Variants in COL4A2 observed in about 807,000 individuals in gnomAD.
COL4A2 encodes collagen alpha-2(IV) chain.
Under a neutral mutation model 200.2 loss-of-function variants are expected in COL4A2, and 99 were observed. That is an observed-to-expected ratio of 0.49 (90% CI 0.42 to 0.58). COL4A2 has a LOEUF of 0.58. Ranked by LOEUF, COL4A2 falls within the 20% of genes least tolerant of loss-of-function variation. The pLI, the probability that COL4A2 is intolerant of heterozygous loss-of-function variation, is 0.00. For synonymous variants in COL4A2, 897 were observed against 900.6 expected (o/e 1.00, Z 0.07); for missense variants, 1,950 against 2,314.1 (o/e 0.84, Z 3.23).
intron 3 of COL4A2, among the ~76,000 whole-genome samples, chr13:110,312,485 A>T (rs1232415332): frequency 6.6e-6 from 1 of 152,242 alleles, no homozygotes; most frequent in Non-Finnish European, 1.5e-5. Flanking sequence ...TAGTTTAAAT[A>T]ATAGAGAAAC....
chr13:110,462,404 G>T lies in COL4A2; in HGVS notation c.1776+20G>T. 6.2e-7 allele frequency: 1 copy of T among 1,609,780 alleles called. No homozygotes were observed. The highest frequency in any genetic ancestry group is 8.5e-7 in the Non-Finnish European group (1 of 1,178,966). On this transcript the variant is annotated intron_variant, in intron 24 of 47. Transcript: ENST00000360467. Reference sequence around the variant, plus strand: ...CCTCCCGTGAGTAGCCACAAACTGCGGCAGCTCCGTCCTCTCTTCTTCATC... The same window carrying T: ...CCTCCCGTGAGTAGCCACAAACTGCTGCAGCTCCGTCCTCTCTTCTTCATC...
chr13:110,307,892 C>A lies in COL4A2; in HGVS notation c.-12C>A. 1 of 1,611,194 alleles carries A rather than the reference C, an allele frequency of 6.2e-7. No individual in the cohort carries two copies. On this transcript the variant is annotated 5_prime_UTR_variant, in exon 2 of 48. Transcript: ENST00000360467. This position sits in a 1 kb window ranked among gnomAD's most constrained non-coding sequence, Gnocchi z 5.0. ...GGGACTGACCGGGGCCCAGAGTGGA[C>A]GAACCGCCAGCATGGGGAGAGACCA...
intron 27 of COL4A2, chr13:110,468,289 A>G (rs990955653): frequency 9.1e-5 from 43 of 471,544 alleles, no homozygotes; most frequent in Admixed American, 8.7e-4. Context: ...CTGAGCTTGT[A>G]TCTTCCGCGT....
intron 20 of COL4A2, among the ~76,000 whole-genome samples, chr13:110,453,255 C>T (rs1404702168): frequency 6.6e-6 from 1 of 152,092 alleles, no homozygotes; most frequent in African/African-American, 2.4e-5. Context: ...AATCCCAGCG[C>T]TTTGGGAAAG....
chr13:110,473,136 C>T lies in COL4A2; in HGVS notation c.2411C>T (p.Pro804Leu). 1 of 1,556,960 alleles carries T rather than the reference C, an allele frequency of 6.4e-7. No homozygotes were observed. The highest frequency in any genetic ancestry group is 1.4e-5 in the African/African-American group (1 of 73,420). ...AAAGGCCTTCCCGGAGACAGAGGCC[C>T]CCCTGGATTCAGAGGTGAGTGCCCC... Reference protein sequence around the residue: ...GLKGLPGDRGPPGFRGSQGMP... With the variant: ...GLKGLPGDRGLPGFRGSQGMP... Residue 804 changes from proline to leucine, a missense_variant, in exon 29 of 48, where the codon CCC (proline) becomes CTC (leucine). Transcript: ENST00000360467.
intron 4 of COL4A2, among the ~76,000 whole-genome samples, chr13:110,358,145 T>G (rs886401591): frequency 3.3e-5 from 5 of 152,254 alleles, no homozygotes; most frequent in African/African-American, 1.2e-4. Context: ...ATTGTACAGC[T>G]GTACAAACAT....
At chr13:110,465,865 C>T in intron 25 of COL4A2, 138 bp from the exon 26 acceptor site, 1 of 1,075,076 alleles carries the variant, frequency 9.3e-7, no homozygotes, top group Non-Finnish European at 1.4e-6. Context: ...CTTTCCCGTT[C>T]CCTGCCCATT....
Position 110,434,439 on chromosome 13 carries a change from A to C in COL4A2, c.723A>C (p.Glu241Asp). ...RGLGFYGVKG[E>D]KGDVGQPGPN... ...TTGGTTTCTACGGAGTTAAGGGTGAAAAGGTAAAGGAAGCCTGGTCAATTC... is the reference window on the plus strand; with the variant it reads ...TTGGTTTCTACGGAGTTAAGGGTGACAAGGTAAAGGAAGCCTGGTCAATTC... Residue 241 changes from glutamate (E) to aspartate (D), a missense_variant, in exon 12 of 48, where the codon GAA becomes GAC. By Grantham distance (45) the Glu-to-Asp change is conservative. Transcript: ENST00000360467. The C allele has an allele frequency of 6.2e-7, 1 of 1,613,924 alleles. No individual in the cohort carries two copies. The highest frequency in any genetic ancestry group is 8.5e-7 in the Non-Finnish European group (1 of 1,179,860).
intron 3 of COL4A2, among the ~76,000 whole-genome samples, chr13:110,317,535 A>G (rs1002946689): frequency 6.6e-6 from 1 of 151,584 alleles, no homozygotes; most frequent in Non-Finnish European, 1.5e-5. Flanking sequence ...GAGGCTGGAC[A>G]GAGGCGGGAG....
At chr13:110,379,632 G>A (rs1057353806) in intron 4 of COL4A2, among the ~76,000 whole-genome samples, 4 of 152,210 alleles carry the variant, frequency 2.6e-5, no homozygotes, top group Non-Finnish European at 5.9e-5. Context: ...ACAGACCATG[G>A]AGCTGGGGTG....
intron 43 of COL4A2, 79 bp from the exon 44 acceptor site, chr13:110,503,768 T>G: frequency 4.3e-4 from 668 of 1,544,590 alleles, no homozygotes; most frequent in Non-Finnish European, 5.5e-4. Flanking sequence ...GCCTCCCTGG[T>G]GAGAAACGCA....
chr13:110,425,111 ACACGT>A, intron 6 of COL4A2, 114 bp downstream of exon 6: 5 of 1,224,224 alleles, frequency 4.1e-6, no homozygotes, highest in Non-Finnish European at 5.9e-6. Context: ...ATGACATAAA[ACACGT>A]GGGGACTATA....
At chr13:110,459,066 A>G in intron 22 of COL4A2, 132 bp downstream of exon 22, 1 of 913,124 alleles carries the variant, frequency 1.1e-6, no homozygotes, top group Non-Finnish European at 1.6e-6. Context: ...GCATGGCTAA[A>G]CCATTCTAAA....
chr13:110,356,968 G>A (rs563420610), intron 3 of COL4A2, among the ~76,000 whole-genome samples: 1 of 152,254 alleles, frequency 6.6e-6, no homozygotes, highest in East Asian at 1.9e-4. Flanking sequence ...GTTTCACCAT[G>A]TTGGCCAGGA....
chr13:110,476,221 C>T (rs867848673), intron 29 of COL4A2, among the ~76,000 whole-genome samples: 2 of 151,932 alleles, frequency 1.3e-5, no homozygotes, highest in African/African-American at 2.4e-5. Context: ...GACCTGCCAT[C>T]GCTGCGAATC....
Position 110,507,956 on chromosome 13 carries a change from C to T in COL4A2, c.4616C>T (p.Ala1539Val), listed in dbSNP as rs765114159. 4.0e-5 allele frequency: 65 copies of T among 1,613,914 alleles called. No homozygotes were observed. Among genetic ancestry groups the T allele is most frequent in the South Asian group, 3.2e-4 (29 of 91,086 alleles). The change falls in exon 47 of 48, where the codon GCG becomes GTG. Residue 1539 changes from alanine to valine, a missense_variant. Ala to Val is a moderately conservative substitution (Grantham distance 64). Transcript: ENST00000360467. Reference sequence around the variant, plus strand: ...ACAGGGCTGGCGGGCTCCTGCCTGGCGCGGTTCAGCACCATGCCCTTCCTG... The same window carrying T: ...ACAGGGCTGGCGGGCTCCTGCCTGGTGCGGTTCAGCACCATGCCCTTCCTG... ...QDLGLAGSCL[A>V]RFSTMPFLYC... is the part of the protein sequence containing the mutation.
chr13:110,409,572 T>C (rs1320450177), intron 4 of COL4A2, among the ~76,000 whole-genome samples: 3 of 152,264 alleles, frequency 2.0e-5, no homozygotes, highest in Non-Finnish European at 4.4e-5. Context: ...ATTTCTCTTT[T>C]AACAAGTGCT....
chr13:110,445,836 G>T lies in COL4A2; in HGVS notation c.965G>T (p.Arg322Leu), dbSNP rs201640075. Reference sequence around the variant, plus strand: ...CAAATATCTTTCTTGCAGGGAAGCCGAGGCCTGGATGGCTATCAAGGGCCT... The same window carrying T: ...CAAATATCTTTCTTGCAGGGAAGCCTAGGCCTGGATGGCTATCAAGGGCCT... ...EKGSPGQKGS[R>L]GLDGYQGPDG... The change falls in exon 17 of 48, where the codon CGA (arginine) becomes CTA (leucine). Residue 322 changes from arginine to leucine, a missense_variant. Physicochemically the swap from Arg to Leu is moderately radical, Grantham distance 102. This residue lies in a region of COL4A2 where 565 missense variants were observed against 593.5 expected (regional missense o/e 0.95). Coordinates refer to ENST00000360467, the MANE Select transcript of COL4A2 (RefSeq NM_001846.4). 13 of 1,614,178 alleles carry T rather than the reference G, an allele frequency of 8.1e-6. No individual in the cohort carries two copies. Among genetic ancestry groups the T allele is most frequent in the Non-Finnish European group, 1.1e-5 (13 of 1,180,018 alleles).
intron 12 of COL4A2, among the ~76,000 whole-genome samples, chr13:110,435,601 G>C (rs1880841838): frequency 1.3e-5 from 2 of 152,132 alleles, no homozygotes; most frequent in Admixed American, 1.3e-4. Context: ...GCTCAGACTT[G>C]TATGATACAG....
Sources: gnomAD v4.1 joint callset for allele counts (sites outside exome capture counted in the v4.1 genomes callset) on GRCh38, gnomAD v4.1.1 for gene constraint, gnomAD v4.1.1 regional missense constraint, Gnocchi (gnomAD v3.1) non-coding constraint, MANE v1.5 for transcripts, NCBI Gene and HGNC (gene_info 2026-07-23, HGNC 2026-07-21) for gene names.